Variants in DAB1 observed in about 807,000 individuals in gnomAD.
DAB1 encodes the protein disabled homolog 1.
In DAB1, 15 loss-of-function variants were observed where a neutral mutation model predicts 64.6. That is an observed-to-expected ratio of 0.23 (90% CI 0.16 to 0.36). The LOEUF is 0.36. Among genes scored for constraint, DAB1 ranks in the 10% least tolerant of loss-of-function variants. The pLI is 1.00. For synonymous variants in DAB1, 235 were observed against 251.9 expected, an observed-to-expected ratio of 0.93 and a Z score of 0.64; for missense variants, 596 against 706.7, an observed-to-expected ratio of 0.84 and a Z score of 1.78.
intron 6 of DAB1, among the ~76,000 whole-genome samples, chr1:57,652,423 A>G (rs1381987573): frequency 6.6e-6 from 1 of 152,148 alleles, no homozygotes; most frequent in Non-Finnish European, 1.5e-5. Flanking sequence ...AAAATGCTCT[A>G]GCAGGCTGAT....
chr1:57,592,283 A>T (rs79622489), intron 7 of DAB1, among the ~76,000 whole-genome samples: 28 of 152,284 alleles, frequency 1.8e-4, no homozygotes, highest in African/African-American at 6.5e-4. Flanking sequence ...TTGAGATGTG[A>T]CACACAGGAT....
At chr1:58,118,469 C>CATATATATATATATAT (rs370100684) in intron 5 of DAB1, among the ~76,000 whole-genome samples, 3 of 22,034 alleles carry the variant, frequency 1.4e-4, no homozygotes, top group Non-Finnish European at 2.2e-4. Context: ...TATCCTAAGG[C>CATATATATATATATAT]ATATATATAT....
chr1:57,099,958 T>C (rs1654518691), intron 4 of DAB1, among the ~76,000 whole-genome samples: 2 of 152,180 alleles, frequency 1.3e-5, no homozygotes, highest in Non-Finnish European at 1.5e-5. Flanking sequence ...ATACAGGTTG[T>C]CCAGGCAAAT....
chr1:57,440,722 A>G (rs192101300), intron 7 of DAB1, among the ~76,000 whole-genome samples: 1 of 152,358 alleles, frequency 6.6e-6, no homozygotes, highest in East Asian at 1.9e-4. Context: ...GCTGTTCTCC[A>G]GGGAATATCC....
intron 7 of DAB1, among the ~76,000 whole-genome samples, chr1:57,525,673 AATAG>A (rs1327931918): frequency 3.9e-5 from 6 of 152,126 alleles, no homozygotes; most frequent in Admixed American, 2.0e-4. Flanking sequence ...GCAAGATATA[AATAG>A]ATAGTTTCAA....
chr1:57,673,036 A>G (rs186887633), intron 6 of DAB1, among the ~76,000 whole-genome samples: 39 of 152,298 alleles, frequency 2.6e-4, no homozygotes, highest in Non-Finnish European at 4.3e-4. Flanking sequence ...AAAATACCAT[A>G]GAGTGGGTGG....
intron 7 of DAB1, among the ~76,000 whole-genome samples, chr1:57,633,488 C>T (rs974429837): frequency 5.3e-5 from 8 of 152,242 alleles, no homozygotes; most frequent in African/African-American, 1.4e-4. Context: ...TGCTGAGGAC[C>T]GGCTGAAGGA....
At chr1:57,339,404 C>T (rs1290256666) in intron 1 of DAB1, among the ~76,000 whole-genome samples, 1 of 152,218 alleles carries the variant, frequency 6.6e-6, no homozygotes, top group African/African-American at 2.4e-5. Flanking sequence ...GATCCACACG[C>T]CTTGGCCTCC....
intron 5 of DAB1, among the ~76,000 whole-genome samples, chr1:58,103,614 T>C (rs1651460096): frequency 6.6e-6 from 1 of 152,226 alleles, no homozygotes; most frequent in Non-Finnish European, 1.5e-5. Flanking sequence ...ATTTCCATTT[T>C]TGATAATGCG....
chr1:57,779,816 C>A (rs141239123), intron 6 of DAB1, among the ~76,000 whole-genome samples: 3 of 152,218 alleles, frequency 2.0e-5, no homozygotes, highest in Non-Finnish European at 4.4e-5. Context: ...AAACTTTCTA[C>A]CCACAGACAG....
intron 4 of DAB1, among the ~76,000 whole-genome samples, chr1:58,194,079 A>G (rs1435868235): frequency 6.6e-6 from 1 of 152,220 alleles, no homozygotes; most frequent in Non-Finnish European, 1.5e-5. Context: ...ATCTCTGTCC[A>G]AATCTGTATC....
chr1:57,701,456 A>G (rs1646906986), intron 6 of DAB1, among the ~76,000 whole-genome samples: 1 of 152,110 alleles, frequency 6.6e-6, no homozygotes, highest in Non-Finnish European at 1.5e-5. Flanking sequence ...TCGCAAGGAC[A>G]AAAAACCAAA....
chr1:57,815,582 A>G (rs1651818897), intron 6 of DAB1, among the ~76,000 whole-genome samples: 1 of 152,128 alleles, frequency 6.6e-6, no homozygotes, highest in South Asian at 2.1e-4. Context: ...AGAGCTTTGT[A>G]AAATGTAAAG....
chr1:57,775,604 C>T (rs1438160274), intron 6 of DAB1, among the ~76,000 whole-genome samples: 1 of 151,306 alleles, frequency 6.6e-6, no homozygotes, highest in African/African-American at 2.4e-5. Flanking sequence ...AACAGAGAAC[C>T]TTGTTTTATG....
chr1:57,378,989 T>A (rs927574135), intron 1 of DAB1, among the ~76,000 whole-genome samples: 1 of 152,194 alleles, frequency 6.6e-6, no homozygotes, highest in East Asian at 1.9e-4. Flanking sequence ...TCAAAAGACC[T>A]AGCTTCTAGA....
chr1:57,364,468 C>G (rs1043459645), intron 1 of DAB1, among the ~76,000 whole-genome samples: 2 of 152,134 alleles, frequency 1.3e-5, no homozygotes, highest in Non-Finnish European at 2.9e-5. Context: ...TCACCCTGCT[C>G]TGCACGCAGG....
At chr1:58,395,324 G>T (rs996731238) in intron 3 of DAB1, among the ~76,000 whole-genome samples, 1 of 152,136 alleles carries the variant, frequency 6.6e-6, no homozygotes, top group Admixed American at 6.5e-5. Context: ...AGTTTCTTCT[G>T]TCCCTCTCTC....
At chr1:58,048,652 G>A in intron 5 of DAB1, 2 of 1,265,192 alleles carry the variant, frequency 1.6e-6, no homozygotes, top group Non-Finnish European at 2.3e-6. Flanking sequence ...AACCAAAGTT[G>A]TCATTCCCAC....
intron 5 of DAB1, among the ~76,000 whole-genome samples, chr1:58,007,063 C>A (rs577653501): frequency 6.6e-6 from 1 of 152,240 alleles, no homozygotes; most frequent in African/African-American, 2.4e-5. Context: ...TGATGGAATG[C>A]ACCCCCATGA....
Sources: gnomAD v4.1 joint callset for allele counts (sites outside exome capture counted in the v4.1 genomes callset) on GRCh38, gnomAD v4.1.1 for gene constraint, MANE v1.5 for transcripts, NCBI Gene and HGNC (gene_info 2026-07-23, HGNC 2026-07-21) for gene names.